TELO2: variants seen among roughly 807,000 people sequenced by gnomAD.
TELO2 encodes the protein telomere maintenance 2.
In TELO2, 71 loss-of-function variants were observed where a neutral mutation model predicts 91.0. That is an observed-to-expected ratio of 0.78 (90% CI 0.64 to 0.95). The LOEUF (loss-of-function observed/expected upper bound fraction) is 0.95. TELO2 is among the 40% of genes least tolerant of loss of function. TELO2 has a pLI of 0.00. For missense variants in TELO2, 1,183 were observed against 1,141.3 expected (o/e 1.04, Z -0.53); for synonymous variants, 584 against 518.9 (o/e 1.13, Z -1.71).
intron 20 of TELO2, among the ~76,000 whole-genome samples, chr16:1,508,974 G>A (rs767895569): frequency 2.4e-4 from 36 of 152,086 alleles, no homozygotes; most frequent in Non-Finnish European, 4.9e-4. Context: ...GACCCTTGGA[G>A]CTGCTGCCCA....
At position 1,501,424 on chromosome 16, in the gene TELO2, A is replaced by T. The variant is rs775498304; in HGVS notation, c.1286A>T (p.Glu429Val). The stretch of plus-strand genomic sequence containing the variant: ...GAGCCTGCTCCCCTGCTGTAGTACG[A>T]AGAGGATGAACTGAGCCTCGAGCTG... ...PEGPPLKFQY[E>V]EDELSLELLA... The change falls in exon 10 of 21, where the codon GAA (glutamate) becomes GTA (valine). Residue 429 changes from glutamate to valine, a missense_variant. Physicochemically the swap from Glu to Val is moderately radical, Grantham distance 121 (BLOSUM62 -2). Coordinates refer to ENST00000262319, the MANE Select transcript of TELO2 (RefSeq NM_016111.4). The T allele has an allele frequency of 2.5e-6, 4 of 1,612,192 alleles. No homozygotes were observed. The African/African-American group carries it at 5.3e-5, about 22-fold the overall frequency.
chr16:1,502,529 G>C (rs2039728419), intron 13 of TELO2, 116 bp from the exon 14 acceptor site: 1 of 1,501,752 alleles, frequency 6.7e-7, no homozygotes, highest in Non-Finnish European at 9.0e-7. Flanking sequence ...CTCTCCCGGG[G>C]GGCCTGCGGC....
chr16:1,498,119 A>C (rs2039558438), intron 5 of TELO2, among the ~76,000 whole-genome samples: 1 of 149,740 alleles, frequency 6.7e-6, no homozygotes, highest in Non-Finnish European at 1.5e-5. Flanking sequence ...GGTTCAAGTG[A>C]TTCTCCTGCC....
In TELO2 at chr16:1,494,585, G is replaced by A. The variant is rs761631210; in HGVS notation, c.304G>A (p.Val102Met). 8 of 1,613,480 alleles carry A rather than the reference G, an allele frequency of 5.0e-6. No homozygotes were observed. The South Asian group carries it at 7.7e-5, about 16-fold the overall frequency. The change falls in exon 2 of 21, where the codon GTG (valine) becomes ATG (methionine). Residue 102 changes from valine (V) to methionine (M), a missense_variant. Val to Met is a conservative substitution (Grantham distance 21). Coordinates refer to ENST00000262319, the MANE Select transcript of TELO2 (RefSeq NM_016111.4). The surrounding 1 kb of genome is among the most constrained non-coding windows in gnomAD (Gnocchi z 5.6). ...GGGCCCGGCGGACCAAGCCTTCCTG[G>A]TGTTGATGGAGACCATCGAGGGTGC... is the stretch of plus-strand genomic sequence containing the variant. Reference protein sequence around the residue: ...LEGPADQAFLVLMETIEGAAG... With the variant: ...LEGPADQAFLMLMETIEGAAG...
chr16:1,501,960 T>C, intron 11 of TELO2, 87 bp from the exon 12 acceptor site: 1 of 1,569,258 alleles, frequency 6.4e-7, no homozygotes, highest in Non-Finnish European at 8.8e-7. Flanking sequence ...GCTCCGCATC[T>C]TGGGGAGGAG....
rs899304845 is a variant in TELO2 at position 1,509,685 on chromosome 16, A to G, written c.2408-145A>G. 3.2e-5 allele frequency: 22 copies of G among 691,332 alleles called. No homozygotes were observed. The African/African-American group carries it at 3.2e-4, about 10-fold the overall frequency. The allele number at this position is 691,332 out of a possible 1,614,324, so 42.8% of individuals were successfully genotyped here. Reference sequence around the variant, plus strand: ...GCATGCAGGCCCCAAGGCCGTGGGGAGAGTCCGGGGTCACTGCAGACCCGA... The same window carrying G: ...GCATGCAGGCCCCAAGGCCGTGGGGGGAGTCCGGGGTCACTGCAGACCCGA... On this transcript the variant is annotated intron_variant, in intron 20 of 20. Transcript: ENST00000262319.
chr16:1,507,808 CG>C, intron 20 of TELO2, 92 bp downstream of exon 20: 4 of 1,015,332 alleles, frequency 3.9e-6, no homozygotes, highest in Admixed American at 5.6e-5. Context: ...TGTGTCGGCC[CG>C]GGGTGTGTGT....
chr16:1,506,973 C>G lies in TELO2; in HGVS notation c.2148C>G (p.Leu716=). The G allele has an allele frequency of 6.2e-7, 1 of 1,611,602 alleles. No individual in the cohort carries two copies. The highest frequency in any genetic ancestry group is 8.5e-7 in the Non-Finnish European group (1 of 1,179,004). Residue 716 remains leucine (L), a synonymous_variant, in exon 18 of 21, where the codon CTC becomes CTG. Transcript: ENST00000262319. ...CTAGGCCTCTGGTGACCTTCGACCT[C>G]TTGGGAGAAGACCAGCTGGTTCTCG... ...RFDRPLVTFD[L]LGEDQLVLGR... is the part of the protein sequence containing the mutation.
Position 1,494,361 on chromosome 16 carries a change from A to G in TELO2, c.80A>G (p.His27Arg). The G allele has an allele frequency of 6.2e-7, 1 of 1,613,380 alleles. No homozygotes were observed. The highest frequency in any genetic ancestry group is 1.3e-5 in the African/African-American group (1 of 74,918). The change falls in exon 2 of 21, where the codon CAC becomes CGC. Residue 27 changes from histidine to arginine, a missense_variant. Transcript: ENST00000262319. The surrounding 1 kb of genome is among the most constrained non-coding windows in gnomAD (Gnocchi z 5.6). The stretch of plus-strand genomic sequence containing the variant: ...CTCTCGTCTTCGGAGGATGGCGGCC[A>G]CATCTTCTGCACCCTGGAGTCCCTG... ...HALSSSEDGG[H>R]IFCTLESLKR...
At chr16:1,496,093 G>A (rs1400444105) in intron 3 of TELO2, among the ~76,000 whole-genome samples, 3 of 152,238 alleles carry the variant, frequency 2.0e-5, no homozygotes, top group Non-Finnish European at 4.4e-5. Flanking sequence ...GGCCTGCACA[G>A]CACCCGGAGC....
At chr16:1,502,215 C>T (rs545566147) in intron 12 of TELO2, 80 bp downstream of exon 12, 143 of 1,586,700 alleles carry the variant, frequency 9.0e-5, no homozygotes, top group East Asian at 1.8e-4. Flanking sequence ...AAGGGGCCAC[C>T]GGGAAGCCCT....
intron 5 of TELO2, among the ~76,000 whole-genome samples, chr16:1,498,215 A>G (rs879344872): frequency 3.9e-5 from 6 of 151,966 alleles, no homozygotes; most frequent in African/African-American, 1.2e-4. Context: ...GGGTTTTGCC[A>G]TGTTGGCCAG....
chr16:1,497,902 C>G lies in TELO2; in HGVS notation c.830+394C>G, dbSNP rs1212413619. On this transcript the variant is annotated intron_variant, in intron 5 of 20. Transcript: ENST00000262319. The surrounding 1 kb of genome is among the most constrained non-coding windows in gnomAD (Gnocchi z 4.0). ...CAAGGTTGCATTTCTGGAAGCAGGA[C>G]TGCCGGCCATTTACCCCCACAAACC... is the stretch of plus-strand genomic sequence containing the variant. Among the ~76,000 whole-genome samples, 2 of 152,274 alleles carry G rather than the reference C, an allele frequency of 1.3e-5. No individual in the cohort carries two copies. The highest frequency in any genetic ancestry group is 3.4e-3 in the Middle Eastern group (1 of 292).
At chr16:1,500,749 C>T (rs375269105) in intron 9 of TELO2, 50 bp downstream of exon 9, 47 of 1,591,478 alleles carry the variant, frequency 3.0e-5, no homozygotes, top group East Asian at 4.5e-5. Flanking sequence ...CCGGGTCTCC[C>T]GAGCGGCTGC....
intron 20 of TELO2, among the ~76,000 whole-genome samples, chr16:1,508,598 G>C (rs1004425531): frequency 2.0e-5 from 3 of 152,150 alleles, no homozygotes; most frequent in Non-Finnish European, 4.4e-5. Flanking sequence ...GTGCTGGGGG[G>C]CGCTGGGGGA....
chr16:1,493,759 C>A lies in TELO2; in HGVS notation c.-37+154C>A, dbSNP rs1338268340. On this transcript the variant is annotated intron_variant, in intron 1 of 20. Transcript: ENST00000262319. The surrounding 1 kb of genome is among the most constrained non-coding windows in gnomAD (Gnocchi z 4.3). ...CCTGGATCGGGGGCGGGTCCGCGTG[C>A]GGCTCCTCTAGCCCCGAACCCGTGT... 6.6e-6 allele frequency among the ~76,000 whole-genome samples: 1 copy of A among 152,226 alleles called. No individual in the cohort carries two copies. Among genetic ancestry groups the A allele is most frequent in the Non-Finnish European group, 1.5e-5 (1 of 68,038 alleles).
intron 9 of TELO2, 113 bp downstream of exon 9, chr16:1,500,812 T>C: frequency 6.8e-7 from 1 of 1,474,554 alleles, no homozygotes. Flanking sequence ...TTGCGGAGCG[T>C]CCGTGTGGAC....
chr16:1,499,237 G>A lies in TELO2; in HGVS notation c.837G>A (p.Glu279=), dbSNP rs2039592971. 1 of 1,614,000 alleles carries A rather than the reference G, an allele frequency of 6.2e-7. No individual in the cohort carries two copies. The highest frequency in any genetic ancestry group is 8.5e-7 in the Non-Finnish European group (1 of 1,179,998). The change falls in exon 6 of 21, where the codon GAG becomes GAA. Residue 279 remains glutamate (E), a synonymous_variant. Transcript: ENST00000262319. ...TGLVEAALGP[E]VLSRLLGNLV... ...CCCTGACTCTGTCTTGCAGGCCTGA[G>A]GTCCTTTCGAGACTGCTGGGGAACC...
In TELO2 at chr16:1,500,158, G is replaced by C; in HGVS notation, c.996G>C (p.Leu332=). Residue 332 remains leucine, a synonymous_variant, in exon 7 of 21, where the codon CTG becomes CTC. Transcript: ENST00000262319. ...TGGACAGCCAGCGGCGCCCGCTCCTGCTGCAGGTACGTGCCTCCTGGCTCT... is the reference window on the plus strand; with the variant it reads ...TGGACAGCCAGCGGCGCCCGCTCCTCCTGCAGGTACGTGCCTCCTGGCTCT... ...LAMDSQRRPL[L]LQVLKELLET... is the part of the protein sequence containing the mutation. 5 of 1,604,666 alleles carry C rather than the reference G, an allele frequency of 3.1e-6. No individual in the cohort carries two copies. The highest frequency in any genetic ancestry group is 4.2e-6 in the Non-Finnish European group (5 of 1,178,702).
Sources: allele counts gnomAD v4.1 joint callset (sites outside exome capture counted in the v4.1 genomes callset), GRCh38; gene constraint gnomAD v4.1.1; non-coding constraint Gnocchi (gnomAD v3.1); transcripts MANE v1.5; gene names NCBI Gene and HGNC (gene_info 2026-07-23, HGNC 2026-07-21).